FGF1: variants seen among roughly 807,000 people sequenced by gnomAD.
FGF1 encodes the protein beta-endothelial cell growth factor.
Under a neutral mutation model 13.4 loss-of-function variants are expected in FGF1, and 9 were observed. The observed-to-expected ratio is 0.67, with a 90% CI of 0.40 to 1.17. The LOEUF (loss-of-function observed/expected upper bound fraction) is 1.17. FGF1 is among the 50% of genes most tolerant of loss of function. The pLI, the probability that FGF1 is intolerant of heterozygous loss-of-function variation, is 0.01. For missense variants in FGF1, 156 were observed against 192.7 expected (o/e 0.81, Z 1.13); for synonymous variants, 93 against 79.0 (o/e 1.18, Z -0.94).
intron 1 of FGF1, among the ~76,000 whole-genome samples, chr5:142,671,383 C>T (rs1771433754): frequency 6.6e-6 from 1 of 152,166 alleles, no homozygotes; most frequent in Non-Finnish European, 1.5e-5. Flanking sequence ...TTGATCTAAA[C>T]AGTCCTGCTT....
At chr5:142,675,103 T>A (rs1159513483) in intron 1 of FGF1, among the ~76,000 whole-genome samples, 1 of 152,260 alleles carries the variant, frequency 6.6e-6, no homozygotes, top group East Asian at 1.9e-4. Context: ...GCCATCGCCT[T>A]GGAAACGCTC....
intron 1 of FGF1, among the ~76,000 whole-genome samples, chr5:142,645,383 C>T (rs757568560): frequency 6.6e-6 from 1 of 152,088 alleles, no homozygotes; most frequent in African/African-American, 2.4e-5. Flanking sequence ...CTACAGCAGG[C>T]GTGGTGGGAA....
intron 1 of FGF1, among the ~76,000 whole-genome samples, chr5:142,652,669 C>T (rs903556100): frequency 1.3e-5 from 2 of 152,236 alleles, no homozygotes; most frequent in African/African-American, 4.8e-5. Context: ...TGGGCCCACA[C>T]GTGCAGCCTG....
intron 1 of FGF1, among the ~76,000 whole-genome samples, chr5:142,664,431 G>T (rs1048119688): frequency 2.0e-5 from 3 of 152,220 alleles, no homozygotes; most frequent in African/African-American, 4.8e-5. Context: ...GATACAAAAG[G>T]GCTGTCTTTG....
chr5:142,629,144 G>T (rs1762921981), intron 1 of FGF1, among the ~76,000 whole-genome samples: 1 of 151,968 alleles, frequency 6.6e-6, no homozygotes, highest in African/African-American at 2.4e-5. Flanking sequence ...AGTTTGATAG[G>T]CTTGATTTGC....
In FGF1 at chr5:142,592,668, T is replaced by C. The variant is rs1246178137; in HGVS notation, c.*2622A>G. 7.8e-6 allele frequency: 3 copies of C among 386,142 alleles called. No homozygotes were observed. The highest frequency in any genetic ancestry group is 1.4e-5 in the Non-Finnish European group (3 of 218,628). 23.9% of individuals were successfully genotyped at this position (386,142 alleles called of 1,614,324 possible). A position where few individuals can be genotyped will look rare whatever the true frequency, so the allele number is the denominator to read the frequency against. ...ACAGAGCAGGGAACTACCAACCTCT[T>C]CCTTCTAAGAAGATCTGACAGGCTC... On this transcript the variant is annotated 3_prime_UTR_variant, in exon 4 of 4. Transcript: ENST00000337706.
intron 1 of FGF1, among the ~76,000 whole-genome samples, chr5:142,638,659 A>G (rs1450082182): frequency 6.6e-6 from 1 of 152,066 alleles, no homozygotes. Flanking sequence ...AAAAGCACAG[A>G]CAACAAAAGC....
rs541894269 is a variant in FGF1, at chr5:142,693,616, A to G, written c.-35+4006T>C. 1.8e-3 allele frequency among the ~76,000 whole-genome samples: 281 copies of G among 152,356 alleles called. 1 individual carries two copies. Among genetic ancestry groups the G allele is most frequent in the African/African-American group, 6.3e-3 (260 of 41,576 alleles). ...GGTATATTTACAAAGTTGTGCGGCC[A>G]TCACAACTATAATTTTAGAATATTT... On this transcript the variant is annotated intron_variant, in intron 2 of 4. Coordinates refer to the FGF1 transcript ENST00000407758.
At chr5:142,613,804 C>T (rs976478675) in intron 2 of FGF1, among the ~76,000 whole-genome samples, 155 bp downstream of exon 2, 6 of 152,200 alleles carry the variant, frequency 3.9e-5, no homozygotes, top group Non-Finnish European at 8.8e-5. Context: ...TAAACCCAGA[C>T]ATTTTACGCA....
At chr5:142,603,876 C>T (rs1757100456) in intron 2 of FGF1, among the ~76,000 whole-genome samples, 1 of 152,110 alleles carries the variant, frequency 6.6e-6, no homozygotes, top group South Asian at 2.1e-4. Flanking sequence ...ATTTCTCAGT[C>T]TAACAGTCTA....
At chr5:142,689,484 A>C (rs1467836496), upstream of FGF1, among the ~76,000 whole-genome samples, 3 of 152,162 alleles carry the variant, frequency 2.0e-5, no homozygotes, top group Admixed American at 1.3e-4. Context: ...GCAGGACAGA[A>C]GCTGAGTCCA....
chr5:142,696,329 C>G (rs956964870), intron 2 of FGF1, among the ~76,000 whole-genome samples: 1 of 152,208 alleles, frequency 6.6e-6, no homozygotes, highest in Non-Finnish European at 1.5e-5. Context: ...TTCGGCCACC[C>G]TGCATCTAGC....
intron 1 of FGF1, among the ~76,000 whole-genome samples, chr5:142,655,843 G>A (rs1768049207): frequency 6.6e-6 from 1 of 152,206 alleles, no homozygotes; most frequent in South Asian, 2.1e-4. Flanking sequence ...CCAGGCTGGT[G>A]CAGGGGAGCC....
At chr5:142,610,550 T>C (rs1426123494) in intron 2 of FGF1, among the ~76,000 whole-genome samples, 1 of 152,216 alleles carries the variant, frequency 6.6e-6, no homozygotes, top group Non-Finnish European at 1.5e-5. Context: ...ACCACTTATG[T>C]GTCCCCCTGA....
chr5:142,678,320 C>T (rs143165711), intron 1 of FGF1, among the ~76,000 whole-genome samples: 234 of 152,244 alleles, frequency 1.5e-3, no homozygotes, highest in African/African-American at 5.5e-3. Context: ...GTGGTAAAGG[C>T]ATGGCATTCG....
intron 1 of FGF1, chr5:142,671,733 CT>C (rs1771501135): frequency 6.6e-6 from 1 of 152,214 alleles, no homozygotes; most frequent in Admixed American, 6.5e-5. Context: ...TGAAGAAACG[CT>C]TCTTCTAGCT....
rs139415457 is a variant in FGF1, at chr5:142,669,357, C to T, written c.-35+16600G>A. 1.2e-3 allele frequency among the ~76,000 whole-genome samples: 182 copies of T among 152,254 alleles called. 1 individual carries two copies. Among genetic ancestry groups the T allele is most frequent in the East Asian group, 6.2e-3 (32 of 5,168 alleles). On this transcript the variant is annotated intron_variant, in intron 1 of 3. Coordinates refer to ENST00000337706, the MANE Select transcript of FGF1 (RefSeq NM_000800.5). ...AAGTCTTCTTGACTAGACTACAAGC[C>T]AGTCGAGGACAGAAGCATGAGCTTC... is the stretch of plus-strand genomic sequence containing the variant.
intron 3 of FGF1, among the ~76,000 whole-genome samples, chr5:142,598,112 G>A (rs1251716341): frequency 6.6e-6 from 1 of 152,208 alleles, no homozygotes; most frequent in Non-Finnish European, 1.5e-5. Context: ...GATGCATGTT[G>A]TTGGGGGTAG....
At chr5:142,646,208 CTTTTT>C (rs762008952) in intron 1 of FGF1, among the ~76,000 whole-genome samples, 4 of 54,918 alleles carry the variant, frequency 7.3e-5, no homozygotes, top group Admixed American at 2.9e-4. Flanking sequence ...CGCACCTGGC[CTTTTT>C]TTTTTTTTTT....
Sources: gnomAD v4.1 joint callset for allele counts (sites outside exome capture counted in the v4.1 genomes callset) on GRCh38, gnomAD v4.1.1 for gene constraint, MANE v1.5 for transcripts, NCBI Gene and HGNC (gene_info 2026-07-23, HGNC 2026-07-21) for gene names.